Variants in PDE11A observed in about 807,000 individuals in gnomAD.
PDE11A encodes phosphodiesterase 11A, also known as dual 3',5'-cyclic-AMP and -GMP phosphodiesterase 11A.
PDE11A carries 100 observed loss-of-function variants against 100.5 expected under a neutral mutation model. The observed-to-expected ratio is 1.00, with a 90% CI of 0.85 to 1.18. The LOEUF is 1.18. PDE11A is among the 50% of genes most tolerant of loss of function. The pLI, the probability that PDE11A is intolerant of heterozygous loss-of-function variation, is 0.00. For missense variants in PDE11A, 1,141 were observed against 1,152.6 expected, an observed-to-expected ratio of 0.99 and a Z score of 0.15; for synonymous variants, 381 against 420.8, an observed-to-expected ratio of 0.91 and a Z score of 1.16.
chr2:177,792,400 T>C lies in PDE11A; in HGVS notation c.1738-23027A>G, dbSNP rs537088238. ...AGTAGTCTGATTTCACTTAAGACCATACTTCTGAGTAGCATGTTATTAAAT... is the reference window on the plus strand; with the variant it reads ...AGTAGTCTGATTTCACTTAAGACCACACTTCTGAGTAGCATGTTATTAAAT... On this transcript the variant is annotated intron_variant, in intron 9 of 19. Transcript: ENST00000286063. Among the ~76,000 whole-genome samples, 17 of 152,338 alleles carry C rather than the reference T, an allele frequency of 1.1e-4. No homozygotes were observed. In the East Asian group the frequency reaches 2.7e-3, roughly 24 times the overall value.
chr2:177,870,901 C>T (rs931689546), intron 5 of PDE11A, among the ~76,000 whole-genome samples: 2 of 152,080 alleles, frequency 1.3e-5, no homozygotes, highest in Admixed American at 1.3e-4. Context: ...CTGTATTCTC[C>T]CAGTTAGTGA....
intron 8 of PDE11A, 57 bp from the exon 9 acceptor site, chr2:177,816,978 A>C: frequency 1.0e-6 from 1 of 990,692 alleles, no homozygotes; most frequent in Non-Finnish European, 1.6e-6. Context: ...GCAAAATCTA[A>C]TATGAAAGCA....
chr2:178,016,641 AGGGATCAAG>A (rs1167380020), intron 1 of PDE11A, among the ~76,000 whole-genome samples: 25 of 152,314 alleles, frequency 1.6e-4, no homozygotes, highest in African/African-American at 6.0e-4. Context: ...TTATTTTTAT[AGGGATCAAG>A]GAAGTTCTCT....
intron 19 of PDE11A, among the ~76,000 whole-genome samples, chr2:177,634,291 A>C (rs1458371798): frequency 6.6e-6 from 1 of 152,146 alleles, no homozygotes; most frequent in Non-Finnish European, 1.5e-5. Context: ...CCTGAAACAC[A>C]GAATTGCCAT....
At chr2:177,861,096 A>C (rs1163116952) in intron 5 of PDE11A, among the ~76,000 whole-genome samples, 2 of 151,836 alleles carry the variant, frequency 1.3e-5, no homozygotes, top group Non-Finnish European at 3.0e-5. Flanking sequence ...ACATGCAATC[A>C]GGCAAGAGAA....
At chr2:177,771,629 G>GA (rs1390245365) in intron 9 of PDE11A, among the ~76,000 whole-genome samples, 6 of 152,066 alleles carry the variant, frequency 3.9e-5, no homozygotes, top group South Asian at 4.1e-4. Context: ...TTTTTAATTG[G>GA]AAAAAAATTA....
chr2:178,068,232 T>G (rs12478848), intron 1 of PDE11A, among the ~76,000 whole-genome samples: 80,399 of 148,556 alleles, frequency 0.54, 21,556 homozygotes, highest in East Asian at 0.71. Flanking sequence ...AAAATGAATG[T>G]TTTTTTTTTT....
At chr2:177,863,768 G>C (rs2083983697) in intron 5 of PDE11A, among the ~76,000 whole-genome samples, 1 of 152,016 alleles carries the variant, frequency 6.6e-6, no homozygotes, top group African/African-American at 2.4e-5. Flanking sequence ...AACTATTATA[G>C]AAAATAGTAT....
intron 10 of PDE11A, among the ~76,000 whole-genome samples, chr2:177,760,959 C>A (rs3770044): frequency 0.3 from 45,689 of 151,964 alleles, 8,964 homozygotes; most frequent in African/African-American, 0.55. Flanking sequence ...GAAAGACAGA[C>A]TATAGAACTA....
chr2:177,919,308 A>G (rs1455087380), intron 2 of PDE11A, among the ~76,000 whole-genome samples: 1 of 152,062 alleles, frequency 6.6e-6, no homozygotes, highest in East Asian at 1.9e-4. Context: ...CATATTGACC[A>G]GGCTGGTCTT....
At chr2:178,033,421 TG>T (rs1400021355) in intron 1 of PDE11A, among the ~76,000 whole-genome samples, 1 of 152,168 alleles carries the variant, frequency 6.6e-6, no homozygotes, top group African/African-American at 2.4e-5. Context: ...AACATATGAT[TG>T]ATTACTGTAC....
intron 5 of PDE11A, among the ~76,000 whole-genome samples, chr2:177,860,702 A>G (rs1306134193): frequency 6.6e-6 from 1 of 151,804 alleles, no homozygotes; most frequent in African/African-American, 2.4e-5. Context: ...AAATACTAGT[A>G]AACTAAATCC....
intron 18 of PDE11A, among the ~76,000 whole-genome samples, chr2:177,664,880 T>C (rs1269383056): frequency 6.6e-6 from 1 of 152,164 alleles, no homozygotes; most frequent in African/African-American, 2.4e-5. Context: ...GGTGTCCTTA[T>C]AGGCCATGAG....
chr2:177,971,186 C>T (rs990238847), intron 2 of PDE11A, among the ~76,000 whole-genome samples: 2 of 152,180 alleles, frequency 1.3e-5, no homozygotes, highest in African/African-American at 4.8e-5. Context: ...TTAGGCAACT[C>T]ACAAGACAGC....
At chr2:177,817,293 G>GT (rs2105580618) in intron 8 of PDE11A, among the ~76,000 whole-genome samples, 1 of 152,218 alleles carries the variant, frequency 6.6e-6, no homozygotes, top group Admixed American at 6.5e-5. Context: ...AAATACTTTG[G>GT]TAAAGAAACC....
intron 2 of PDE11A, among the ~76,000 whole-genome samples, chr2:177,931,731 C>T (rs2085208130): frequency 6.6e-6 from 1 of 151,828 alleles, no homozygotes; most frequent in South Asian, 2.1e-4. Flanking sequence ...TGACATCACA[C>T]CTAGAGGAAC....
intron 5 of PDE11A, among the ~76,000 whole-genome samples, chr2:177,863,557 A>C (rs1210857276): frequency 6.6e-6 from 1 of 152,090 alleles, no homozygotes; most frequent in East Asian, 1.9e-4. Flanking sequence ...AAGACATTAA[A>C]ATGGCCAACA....
chr2:177,672,900 T>C (rs1421538286), intron 17 of PDE11A, among the ~76,000 whole-genome samples: 1 of 152,214 alleles, frequency 6.6e-6, no homozygotes, highest in African/African-American at 2.4e-5. Context: ...AAAAGACATC[T>C]AGAGTTAGAA....
At chr2:178,060,870 C>A (rs1379184038) in intron 1 of PDE11A, among the ~76,000 whole-genome samples, 2 of 149,334 alleles carry the variant, frequency 1.3e-5, no homozygotes, top group Non-Finnish European at 3.0e-5. Context: ...ATAGACAAAT[C>A]TTTGCACATA....
Sources: allele counts gnomAD v4.1 joint callset (sites outside exome capture counted in the v4.1 genomes callset), GRCh38; gene constraint gnomAD v4.1.1; transcripts MANE v1.5; gene names NCBI Gene and HGNC (gene_info 2026-07-23, HGNC 2026-07-21).